Variants in NBPF9 observed in about 807,000 individuals in gnomAD.
The protein encoded by NBPF9 is NBPF family member NBPF9.
A neutral mutation model predicts 97.8 loss-of-function variants in NBPF9; 91 were observed. The ratio of observed to expected loss-of-function variants is 0.93; its 90% CI spans 0.79 to 1.11. The LOEUF is 1.11. NBPF9 is among the 50% of genes least tolerant of loss of function. The pLI is 0.00. For missense variants in NBPF9, 992 were observed against 939.5 expected, an observed-to-expected ratio of 1.06 and a Z score of -0.73; for synonymous variants, 334 against 359.5, an observed-to-expected ratio of 0.93 and a Z score of 0.80.
At chr1:149,087,151 T>C (rs1274854250) in intron 5 of NBPF9, among the ~76,000 whole-genome samples, 1 of 152,050 alleles carries the variant, frequency 6.6e-6, no homozygotes, top group Non-Finnish European at 1.5e-5. Context: ...CCTATGCTAA[T>C]TGACCATTCA....
intron 5 of NBPF9, among the ~76,000 whole-genome samples, chr1:149,087,203 G>C (rs782090893): frequency 2.0e-5 from 3 of 151,268 alleles, no homozygotes; most frequent in Non-Finnish European, 2.9e-5. Flanking sequence ...TTGAGAAATT[G>C]TTTCAATGTG....
intron 23 of NBPF9, chr1:149,060,901 ACAC>A: frequency 2.6e-6 from 1 of 389,622 alleles, no homozygotes; most frequent in East Asian, 4.6e-5. Flanking sequence ...AGACACACAC[ACAC>A]ACACACACAC....
At chr1:149,070,718 G>C (rs1271140768) in intron 16 of NBPF9, among the ~76,000 whole-genome samples, 4 of 152,062 alleles carry the variant, frequency 2.6e-5, no homozygotes, top group African/African-American at 9.7e-5. Context: ...GTGACTATGA[G>C]ATTGTCACAC....
At chr1:149,060,784 T>C (rs2078538940) in intron 23 of NBPF9, 89 bp from the exon 24 acceptor site, 1 of 370,002 alleles carries the variant, frequency 2.7e-6, no homozygotes, top group African/African-American at 3.6e-5. Flanking sequence ...CATAGGGAAG[T>C]GGTTAAAAAA....
intron 8 of NBPF9, among the ~76,000 whole-genome samples, chr1:149,079,435 G>C (rs2080211211): frequency 2.6e-5 from 4 of 151,744 alleles, no homozygotes; most frequent in Admixed American, 2.6e-4. Flanking sequence ...GATCCTCGAT[G>C]ATGTTCCATT....
intron 3 of NBPF9, among the ~76,000 whole-genome samples, chr1:149,099,269 G>T (rs1255840463): frequency 6.6e-6 from 1 of 152,204 alleles, no homozygotes; most frequent in Non-Finnish European, 1.5e-5. Flanking sequence ...CTTTCGCTAG[G>T]TTATGCTACA....
intron 2 of NBPF9, among the ~76,000 whole-genome samples, chr1:149,101,773 T>A (rs1553663382): frequency 6.6e-6 from 1 of 152,184 alleles, no homozygotes; most frequent in Non-Finnish European, 1.5e-5. Flanking sequence ...ACAACCACTT[T>A]GGGAAAACGT....
At chr1:149,064,783 T>G (rs1277042914) in intron 18 of NBPF9, 15 of 594,296 alleles carry the variant, frequency 2.5e-5, no homozygotes, top group Non-Finnish European at 1.8e-5. Flanking sequence ...CAAATAGTTC[T>G]AACACCTCAT....
At position 149,079,328 on chromosome 1, in the gene NBPF9, C is replaced by T. The variant is rs1313751990; in HGVS notation, c.279-107G>A. Reference sequence around the variant, plus strand: ...TAATGTCCTCAAGGAGACCTTGAAACAGAAGGTCAGCACATGTTGAAAGGA... The same window carrying T: ...TAATGTCCTCAAGGAGACCTTGAAATAGAAGGTCAGCACATGTTGAAAGGA... On this transcript the variant is annotated intron_variant, in intron 8 of 29. Coordinates refer to ENST00000584027, the Ensembl canonical transcript of NBPF9. 7.6e-6 allele frequency: 9 copies of T among 1,191,896 alleles called. No homozygotes were observed. The East Asian group carries it at 9.9e-5, about 13-fold the overall frequency. The allele number at this position is 1,191,896 out of a possible 1,614,324, so 73.8% of individuals were successfully genotyped here.
At chr1:149,103,352 G>T (rs1465985790) in exon 1 of NBPF9, 1 of 152,096 alleles carries the variant, frequency 6.6e-6, no homozygotes, top group East Asian at 2.0e-4. Context: ...CCATCCAGAC[G>T]GCAGCCGCGC....
At chr1:149,097,080 GGA>G (rs2081820442) in intron 4 of NBPF9, among the ~76,000 whole-genome samples, 2 of 92,904 alleles carry the variant, frequency 2.2e-5, no homozygotes, top group African/African-American at 1.0e-4. Flanking sequence ...GAGGAAGGGA[GGA>G]AGGAAGGAAG....
At chr1:149,058,017 G>A in intron 27 of NBPF9, 147 bp downstream of exon 27, 1 of 204,944 alleles carries the variant, frequency 4.9e-6, no homozygotes, top group South Asian at 3.2e-5. Context: ...AATATCTACT[G>A]CAATGAAAAC....
rs1184208403 is a variant in NBPF9 at position 149,060,299 on chromosome 1, C to G, written c.2476+224G>C. The G allele has an allele frequency of 1.1e-5, 4 of 380,014 alleles. 1 individual carries two copies. The highest frequency in any genetic ancestry group is 2.0e-5 in the Non-Finnish European group (4 of 204,046). The allele number at this position is 380,014 out of a possible 1,614,324, so 23.5% of individuals were successfully genotyped here. ...CAATGTCATGAGGATAGGATCAGGG[C>G]GCCACAGGTATGGCCTGAGACTAGG... is the stretch of plus-strand genomic sequence containing the variant. On this transcript the variant is annotated intron_variant, in intron 24 of 29. Transcript: ENST00000584027.
chr1:149,064,685 C>T (rs1358759477), intron 18 of NBPF9: 15 of 610,766 alleles, frequency 2.5e-5, no homozygotes, highest in Non-Finnish European at 4.1e-5. Context: ...GGCAAAATTC[C>T]CCTGTGTTGG....
rs587715344 is a variant in NBPF9 at position 149,077,791 on chromosome 1, T to C, written c.566+92A>G. The C allele has an allele frequency of 7.8e-5, 122 of 1,560,042 alleles. No individual in the cohort carries two copies. In the African/African-American group the frequency reaches 1.4e-3, roughly 18 times the overall value. Reference sequence around the variant, plus strand: ...ATACTGTGGCCAAGGGGATGCGGGCTTTTGGCCCACCATAGATGCCAGAGA... The same window carrying C: ...ATACTGTGGCCAAGGGGATGCGGGCCTTTGGCCCACCATAGATGCCAGAGA... On this transcript the variant is annotated intron_variant, in intron 10 of 29. Coordinates refer to ENST00000584027, the Ensembl canonical transcript of NBPF9.
At chr1:149,084,067 G>A (rs1228097949) in intron 5 of NBPF9, among the ~76,000 whole-genome samples, 10 of 150,930 alleles carry the variant, frequency 6.6e-5, no homozygotes, top group South Asian at 2.1e-4. Context: ...GCGGCGGTGC[G>A]AGCATGTTCT....
At chr1:149,075,454 C>A (rs1483016156) in intron 12 of NBPF9, among the ~76,000 whole-genome samples, 4 of 150,486 alleles carry the variant, frequency 2.7e-5, no homozygotes, top group Admixed American at 1.3e-4. Flanking sequence ...CCCACCCCCA[C>A]CTGATTGCAA....
At chr1:149,077,408 T>C (rs1185985118) in exon 11 of NBPF9, 1 of 1,609,700 alleles carries the variant, frequency 6.2e-7, no homozygotes, top group African/African-American at 1.3e-5. Context: ...CTCTTCAGCC[T>C]TCTGCACCTC....
At chr1:149,072,761 C>T in exon 14 of NBPF9, 3 of 1,597,268 alleles carry the variant, frequency 1.9e-6, no homozygotes, top group Admixed American at 1.7e-5. Context: ...GTCTACACCC[C>T]TCAGCCAGCT....
Sources: allele counts gnomAD v4.1 joint callset (sites outside exome capture counted in the v4.1 genomes callset), GRCh38; gene constraint gnomAD v4.1.1; transcripts MANE v1.5; gene names NCBI Gene and HGNC (gene_info 2026-07-23, HGNC 2026-07-21).